Variants in RGS6 observed in about 807,000 individuals in gnomAD.
RGS6 encodes regulator of G-protein signaling 6.
In RGS6, 30 loss-of-function variants were observed where a neutral mutation model predicts 78.5. The ratio of observed to expected loss-of-function variants is 0.38; its 90% confidence interval spans 0.29 to 0.52. The LOEUF is 0.52. Among genes scored for constraint, RGS6 ranks in the 20% least tolerant of loss-of-function variants. The pLI is 0.85. For missense variants in RGS6, 495 were observed against 609.7 expected (o/e 0.81, Z 1.98); for synonymous variants, 206 against 206.0 (o/e 1.00, Z 0.00).
chr14:72,075,168 C>A (rs2094533694), intron 2 of RGS6, among the ~76,000 whole-genome samples: 1 of 152,134 alleles, frequency 6.6e-6, no homozygotes, highest in Admixed American at 6.5e-5. Flanking sequence ...AGTCTGATTT[C>A]TCCAATTAGG....
chr14:72,072,056 C>T (rs962919796), intron 2 of RGS6, among the ~76,000 whole-genome samples: 5 of 152,142 alleles, frequency 3.3e-5, no homozygotes, highest in African/African-American at 1.2e-4. Context: ...TTGCAGCTTC[C>T]TGTGTTTCAG....
intron 9 of RGS6, among the ~76,000 whole-genome samples, chr14:72,473,388 G>C (rs1057402953): frequency 6.6e-6 from 1 of 152,210 alleles, no homozygotes; most frequent in Non-Finnish European, 1.5e-5. Flanking sequence ...AGCTTGCAGT[G>C]AGCCGAGAGC....
intron 2 of RGS6, among the ~76,000 whole-genome samples, chr14:72,106,920 G>GT (rs2095644965): frequency 6.6e-6 from 1 of 152,050 alleles, no homozygotes; most frequent in South Asian, 2.1e-4. Flanking sequence ...GTGGGACTGC[G>GT]TTTTTTGTTT....
intron 3 of RGS6, among the ~76,000 whole-genome samples, chr14:72,409,344 T>C (rs1268457397): frequency 2.0e-5 from 3 of 152,090 alleles, no homozygotes; most frequent in Admixed American, 6.5e-5. Context: ...AAAGAAAACA[T>C]ATTTGATTTG....
chr14:72,524,655 T>C (rs2097096518), intron 15 of RGS6, among the ~76,000 whole-genome samples: 1 of 152,214 alleles, frequency 6.6e-6, no homozygotes, highest in Admixed American at 6.5e-5. Context: ...CCCATTCAAG[T>C]TGGGAAACCT....
At chr14:72,506,659 A>G (rs2096804197) in intron 13 of RGS6, among the ~76,000 whole-genome samples, 1 of 152,244 alleles carries the variant, frequency 6.6e-6, no homozygotes, top group South Asian at 2.1e-4. Flanking sequence ...TTGTAGTAAT[A>G]CAATTGTGAA....
At chr14:72,447,509 A>C (rs2095394664) in intron 3 of RGS6, among the ~76,000 whole-genome samples, 1 of 152,230 alleles carries the variant, frequency 6.6e-6, no homozygotes. Context: ...AAGTAACACA[A>C]GGATTCCAAG....
the RGS6 span, among the ~76,000 whole-genome samples, chr14:71,922,635 T>C: frequency 6.6e-6 from 1 of 152,258 alleles, no homozygotes; most frequent in Non-Finnish European, 1.5e-5. Context: ...GTTTTTCTAC[T>C]AATGCCATTT....
chr14:72,195,876 G>A (rs2039988206), intron 2 of RGS6, among the ~76,000 whole-genome samples: 1 of 152,252 alleles, frequency 6.6e-6, no homozygotes, highest in Non-Finnish European at 1.5e-5. Flanking sequence ...AGGCAAGGCA[G>A]TGGGTACAGA....
At chr14:72,138,695 G>A (rs758520018) in intron 2 of RGS6, among the ~76,000 whole-genome samples, 5 of 151,946 alleles carry the variant, frequency 3.3e-5, no homozygotes, top group South Asian at 2.1e-4. Context: ...TGAGTTCTGC[G>A]TCCTATCAGA....
intron 2 of RGS6, among the ~76,000 whole-genome samples, chr14:72,309,281 C>G (rs1368889719): frequency 6.6e-6 from 1 of 152,192 alleles, no homozygotes; most frequent in Non-Finnish European, 1.5e-5. Context: ...TTTCTTGCCA[C>G]CTTGTTACAA....
At chr14:72,540,978 G>A (rs934964218) in intron 17 of RGS6, 3 of 1,264,584 alleles carry the variant, frequency 2.4e-6, no homozygotes, top group Non-Finnish European at 3.1e-6. Context: ...GAACAACACA[G>A]GCCAATCTCC....
chr14:72,255,253 G>A (rs1379320310), intron 2 of RGS6, among the ~76,000 whole-genome samples: 1 of 152,176 alleles, frequency 6.6e-6, no homozygotes, highest in Non-Finnish European at 1.5e-5. Flanking sequence ...CTGGCCCCAG[G>A]GTGATGAGGT....
At chr14:72,001,132 C>T (rs1042794627) in intron 2 of RGS6, among the ~76,000 whole-genome samples, 2 of 152,134 alleles carry the variant, frequency 1.3e-5, no homozygotes, top group Non-Finnish European at 2.9e-5. Flanking sequence ...TGGGAGGTCA[C>T]GCACAAGTGT....
chr14:72,537,722 A>C, intron 16 of RGS6: 1 of 604,062 alleles, frequency 1.7e-6, no homozygotes, highest in Non-Finnish European at 2.9e-6. Context: ...GGTCAAAGTA[A>C]GTTTTTCTTA....
chr14:71,936,762 G>A (rs1338607152), intron 1 of RGS6, among the ~76,000 whole-genome samples: 3 of 152,206 alleles, frequency 2.0e-5, no homozygotes, highest in Admixed American at 6.5e-5. Context: ...TATTTTCTTA[G>A]TATGAGTGTA....
chr14:71,959,151 G>T (rs1190587198), intron 1 of RGS6, among the ~76,000 whole-genome samples: 1 of 152,108 alleles, frequency 6.6e-6, no homozygotes, highest in Non-Finnish European at 1.5e-5. Flanking sequence ...TGTCAAGTTG[G>T]CATACTCTGC....
chr14:71,945,021 G>A (rs1225588580), intron 1 of RGS6, among the ~76,000 whole-genome samples: 1 of 152,146 alleles, frequency 6.6e-6, no homozygotes, highest in Non-Finnish European at 1.5e-5. Flanking sequence ...AATCTCATGG[G>A]ACCCCCTTCA....
At chr14:72,071,745 TG>T (rs2094415532) in intron 2 of RGS6, among the ~76,000 whole-genome samples, 1 of 152,228 alleles carries the variant, frequency 6.6e-6, no homozygotes, top group African/African-American at 2.4e-5. Context: ...AAATTAGCCA[TG>T]GCAACATATA....
Sources: gnomAD v4.1 joint callset for allele counts (sites outside exome capture counted in the v4.1 genomes callset) on GRCh38, gnomAD v4.1.1 for gene constraint, MANE v1.5 for transcripts, NCBI Gene and HGNC (gene_info 2026-07-23, HGNC 2026-07-21) for gene names.